HSPG2: variants seen among roughly 807,000 people sequenced by gnomAD.
The protein encoded by HSPG2 is heparan sulfate proteoglycan 2.
Under a neutral mutation model 526.6 loss-of-function variants are expected in HSPG2, and 278 were observed. The ratio of observed to expected loss-of-function variants is 0.53; its 90% CI spans 0.48 to 0.58. The LOEUF (loss-of-function observed/expected upper bound fraction) is 0.58. Among genes scored for constraint, HSPG2 ranks in the 20% least tolerant of loss-of-function variants. HSPG2 has a pLI of 0.00. For synonymous variants in HSPG2, 2,465 were observed against 2,555.4 expected, an observed-to-expected ratio of 0.96 and a Z score of 1.07; for missense variants, 5,354 against 6,099.5, an observed-to-expected ratio of 0.88 and a Z score of 4.07.
At chr1:21,841,804 G>T in intron 69 of HSPG2, 131 bp from the exon 70 acceptor site, 2 of 1,331,328 alleles carry the variant, frequency 1.5e-6, no homozygotes, top group South Asian at 1.2e-5. Flanking sequence ...TCATGGAGTC[G>T]CAGATAGCAG....
At chr1:21,912,630 G>A (rs1361473991) in intron 1 of HSPG2, among the ~76,000 whole-genome samples, 1 of 152,118 alleles carries the variant, frequency 6.6e-6, no homozygotes, top group Non-Finnish European at 1.5e-5. Context: ...CGGCTGCTGG[G>A]GAACTTTATC....
In HSPG2 at chr1:21,878,481, C is replaced by T. The variant is rs770438141; in HGVS notation, c.2569G>A (p.Gly857Arg). 2.0e-5 allele frequency: 33 copies of T among 1,611,840 alleles called. No individual in the cohort carries two copies. The Admixed American group carries it at 2.5e-4, about 12-fold the overall frequency. The change falls in exon 20 of 97, where the codon GGA (glycine) becomes AGA (arginine). Residue 857 changes from glycine (G) to arginine (R), a missense_variant. Coordinates refer to ENST00000374695, the MANE Select transcript of HSPG2 (RefSeq NM_005529.7). The part of the protein sequence containing the change: ...TGRRCESCAP[G>R]YEGNPIQPGG... ...GGCTGGATGGGGTTGCCCTCGTATC[C>T]GGGGGCACAGCTAGGGGAGAGAGGG... is the stretch of plus-strand genomic sequence containing the variant.
rs547565040 is a variant in HSPG2 at position 21,924,251 on chromosome 1, C to T, written c.63+12904G>A. 3.3e-5 allele frequency among the ~76,000 whole-genome samples: 5 copies of T among 152,330 alleles called. No individual in the cohort carries two copies. In the East Asian group the frequency reaches 9.7e-4, roughly 29 times the overall value. Reference sequence around the variant, plus strand: ...GGAAGGTGGAAGCTGCCTCCAGCGTCACCAGACATCCTGGAAGAAATTGGA... The same window carrying T: ...GGAAGGTGGAAGCTGCCTCCAGCGTTACCAGACATCCTGGAAGAAATTGGA... On this transcript the variant is annotated intron_variant, in intron 1 of 96. Coordinates refer to ENST00000374695, the MANE Select transcript of HSPG2 (RefSeq NM_005529.7).
chr1:21,865,703 G>A lies in HSPG2; in HGVS notation c.4314+14C>T. 1 of 1,605,224 alleles carries A rather than the reference G, an allele frequency of 6.2e-7. No homozygotes were observed. Among genetic ancestry groups the A allele is most frequent in the Non-Finnish European group, 8.5e-7 (1 of 1,172,524 alleles). The stretch of plus-strand genomic sequence containing the variant: ...TGCCCTTCTGCCCACCCAGCATGGT[G>A]TCCAAATGCTCACCGTGATCTGCAC... On this transcript the variant is annotated intron_variant, in intron 34 of 96. Coordinates refer to ENST00000374695, the MANE Select transcript of HSPG2 (RefSeq NM_005529.7). This position sits in a 1 kb window ranked among gnomAD's most constrained non-coding sequence, Gnocchi z 5.4.
rs60267433 is a variant in HSPG2, at chr1:21,881,311, ACCCAGGGTGGCAG to A, written c.1818+15_1818+27del. ...CAGAGCCCACAGGAATTCTTTCCCC[ACCCAGGGTGGCAG>A]CCCAGGCCCCTCACCTTGTTGCCCA... On this transcript the variant is annotated intron_variant, in intron 14 of 96. Transcript: ENST00000374695. 0.99 allele frequency: 1,602,831 copies of A among 1,613,296 alleles called. 796,735 individuals carry two copies. The highest frequency in any genetic ancestry group is 1 in the East Asian group (44,864 of 44,864).
At position 21,834,811 on chromosome 1, in the gene HSPG2, G is replaced by A. The variant is rs2270699; in HGVS notation, c.10588C>T (p.Arg3530Trp). ...CCTCCGCTCTGCACAATGCCTGGCC[G>A]CAGGTGCCCTCCAACTTTGCTCCAT... is the stretch of plus-strand genomic sequence containing the variant. ...VTWSKVGGHL[R>W]PGIVQSGGVV... The change falls in exon 77 of 97, where the codon CGG becomes TGG. Residue 3530 changes from arginine (R) to tryptophan (W), a missense_variant. Physicochemically the swap from Arg to Trp is moderately radical, Grantham distance 101 (BLOSUM62 -3). Transcript: ENST00000374695. 5.5e-4 allele frequency: 880 copies of A among 1,614,200 alleles called. 6 individuals are homozygous for A. In the East Asian group the frequency reaches 0.017, roughly 30 times the overall value.
rs139495842 is a variant in HSPG2, at chr1:21,864,858, G to A, written c.4611C>T (p.Ile1537=). 59 of 1,609,992 alleles carry A rather than the reference G, an allele frequency of 3.7e-5. No homozygotes were observed. Among genetic ancestry groups the A allele is most frequent in the Middle Eastern group, 1.6e-4 (1 of 6,078 alleles). ...VEECRCPPGY[I]GLSCQDCAPG... ...ACACACTCACCTGGCAGGACAGACC[G>A]ATGTAGCCTGGCGGGCAGCGGCACT... Residue 1537 remains isoleucine, a synonymous_variant, in exon 36 of 97, where the codon ATC becomes ATT. Coordinates refer to ENST00000374695, the MANE Select transcript of HSPG2 (RefSeq NM_005529.7). The surrounding 1 kb of genome is among the most constrained non-coding windows in gnomAD (Gnocchi z 4.8).
At chr1:21,870,363 A>C (rs752296680) in intron 33 of HSPG2, 1 of 915,790 alleles carries the variant, frequency 1.1e-6, no homozygotes, top group Non-Finnish European at 1.3e-6. Context: ...AAAGTCCTGG[A>C]GCTAGAGCCA....
rs775949784 is a variant in HSPG2, at chr1:21,874,426, G to A, written c.3636C>T (p.Tyr1212=). The part of the protein sequence containing the change: ...TPQDCQLCPC[Y]GDPAAGQAAH... The stretch of plus-strand genomic sequence containing the variant: ...CGCACTGGCCGGCAGCAGGGTCTCC[G>A]TAGCAGGGGCACAGCTGGCAGTCCT... Residue 1212 remains tyrosine, a synonymous_variant, in exon 28 of 97, where the codon TAC becomes TAT. Transcript: ENST00000374695. 22 of 1,611,606 alleles carry A rather than the reference G, an allele frequency of 1.4e-5. No homozygotes were observed. The highest frequency in any genetic ancestry group is 2.2e-4 in the Middle Eastern group (1 of 4,520).
In HSPG2 at chr1:21,933,017, G is replaced by A. The variant is rs976479596; in HGVS notation, c.63+4138C>T. ...GTGGATCATTTGAGCCCAGGAGTTC[G>A]AGACCTGCCTGGGGGAACATGGCAA... On this transcript the variant is annotated intron_variant, in intron 1 of 96. Transcript: ENST00000374695. 3.9e-5 allele frequency among the ~76,000 whole-genome samples: 6 copies of A among 152,194 alleles called. No individual in the cohort carries two copies. In the East Asian group the frequency reaches 5.8e-4, roughly 15 times the overall value.
intron 9 of HSPG2, among the ~76,000 whole-genome samples, chr1:21,886,056 T>C (rs1422565759): frequency 6.6e-6 from 1 of 152,182 alleles, no homozygotes; most frequent in Non-Finnish European, 1.5e-5. Context: ...GTCACAGCCA[T>C]GCAGGAGCGG....
intron 37 of HSPG2, among the ~76,000 whole-genome samples, chr1:21,863,144 G>A (rs1333330981): frequency 6.0e-5 from 9 of 150,316 alleles, no homozygotes; most frequent in African/African-American, 2.2e-4. Context: ...AGGCCAAGGC[G>A]GGTGGATCAC....
rs779298872 is a variant in HSPG2 at position 21,848,781 on chromosome 1, C to T, written c.7599G>A (p.Ala2533=). The change falls in exon 59 of 97, where the codon GCG becomes GCA. Residue 2533 remains alanine (A), a synonymous_variant. Coordinates refer to ENST00000374695, the MANE Select transcript of HSPG2 (RefSeq NM_005529.7). This position sits in a 1 kb window ranked among gnomAD's most constrained non-coding sequence, Gnocchi z 4.9. Reference sequence around the variant, plus strand: ...AGGAGGACTCGATGCGGACGGGGTACGCCACACCCTGGGCTGGGAGGGTGA... The same window carrying T: ...AGGAGGACTCGATGCGGACGGGGTATGCCACACCCTGGGCTGGGAGGGTGA... ...RLSGSHSQGV[A]YPVRIESSSA... 1.9e-5 allele frequency: 30 copies of T among 1,613,524 alleles called. No homozygotes were observed. The highest frequency in any genetic ancestry group is 1.8e-4 in the East Asian group (8 of 44,860).
In HSPG2 at chr1:21,823,033, G is replaced by C; in HGVS notation, c.*283C>G. ...CCATCGGTGGGTAGGGGGACAGTGG[G>C]GGCAGTTCTGGGCCCACCCAGCCAC... On this transcript the variant is annotated 3_prime_UTR_variant, in exon 97 of 97. Coordinates refer to ENST00000374695, the MANE Select transcript of HSPG2 (RefSeq NM_005529.7). The C allele has an allele frequency of 3.0e-6, 1 of 333,706 alleles. No individual in the cohort carries two copies. The highest frequency in any genetic ancestry group is 5.4e-6 in the Non-Finnish European group (1 of 185,020). 20.7% of individuals were successfully genotyped at this position (333,706 alleles called of 1,614,324 possible).
At position 21,847,097 on chromosome 1, in the gene HSPG2, C is replaced by T. The variant is rs1426813180; in HGVS notation, c.8164+257G>A. 1.3e-5 allele frequency among the ~76,000 whole-genome samples: 2 copies of T among 152,252 alleles called. No individual in the cohort carries two copies. The highest frequency in any genetic ancestry group is 2.9e-5 in the Non-Finnish European group (2 of 68,042). ...ATTACATGCACTAACTCACTTAACC[C>T]TCACAAAATTCGTAAACTTCCTGTG... On this transcript the variant is annotated intron_variant, in intron 62 of 96. Transcript: ENST00000374695. The surrounding 1 kb of genome is among the most constrained non-coding windows in gnomAD (Gnocchi z 4.1).
chr1:21,851,488 C>A, intron 55 of HSPG2, 58 bp downstream of exon 55: 1 of 1,611,338 alleles, frequency 6.2e-7, no homozygotes, highest in Non-Finnish European at 8.5e-7. Flanking sequence ...CCCCAATAAC[C>A]TCCGCCACCC....
rs1468786047 is a variant in HSPG2, at chr1:21,874,627, C to G, written c.3517G>C (p.Gly1173Arg). ...GHSEACEPET[G>R]ACQGCQHHTE... ...AGGGCGGGACTTACCTGGCAGGCAC[C>G]TGTTTCTGGCTCGCAGGCCTCTGAG... Residue 1173 changes from glycine (G) to arginine (R), a missense_variant, in exon 27 of 97, where the codon GGT (glycine) becomes CGT (arginine). Physicochemically the swap from Gly to Arg is moderately radical, Grantham distance 125 (BLOSUM62 -2). Coordinates refer to ENST00000374695, the MANE Select transcript of HSPG2 (RefSeq NM_005529.7). 5 of 1,613,672 alleles carry G rather than the reference C, an allele frequency of 3.1e-6. No homozygotes were observed. The highest frequency in any genetic ancestry group is 1.6e-4 in the Middle Eastern group (1 of 6,084).
chr1:21,928,717 C>T (rs1361020188), intron 1 of HSPG2, among the ~76,000 whole-genome samples: 1 of 151,768 alleles, frequency 6.6e-6, no homozygotes, highest in Non-Finnish European at 1.5e-5. Context: ...GCTGGGATTA[C>T]AGGCGTGAGC....
chr1:21,875,814 G>C, intron 24 of HSPG2, 49 bp downstream of exon 24: 3 of 1,609,644 alleles, frequency 1.9e-6, no homozygotes, highest in Non-Finnish European at 2.5e-6. Context: ...GGAGAGGCAG[G>C]AGCAAGGGCC....
Sources: allele counts gnomAD v4.1 joint callset (sites outside exome capture counted in the v4.1 genomes callset), GRCh38; gene constraint gnomAD v4.1.1; non-coding constraint Gnocchi (gnomAD v3.1); transcripts MANE v1.5; gene names NCBI Gene and HGNC (gene_info 2026-07-23, HGNC 2026-07-21).